The following TNFRSF11A variants were observed in gnomAD, a reference collection of about 807,000 sequenced individuals.
The protein encoded by TNFRSF11A is TNF receptor superfamily member 11a.
TNFRSF11A carries 32 observed loss-of-function variants against 55.7 expected under a neutral mutation model. The observed-to-expected ratio is 0.57, with a 90% CI of 0.43 to 0.77. TNFRSF11A has a LOEUF of 0.77. Ranked by LOEUF, TNFRSF11A falls within the 30% of genes least tolerant of loss-of-function variation. The pLI is 0.00. For missense variants in TNFRSF11A, 753 were observed against 809.8 expected (o/e 0.93, Z 0.85); for synonymous variants, 311 against 331.0 (o/e 0.94, Z 0.65).
intron 2 of TNFRSF11A, 36 bp downstream of exon 2, chr18:62,348,285 CAA>C (rs770346513): frequency 6.4e-7 from 1 of 1,570,150 alleles, no homozygotes; most frequent in Non-Finnish European, 8.8e-7. Flanking sequence ...CATTGCCCCT[CAA>C]AAGTGGGTGA....
intron 9 of TNFRSF11A, among the ~76,000 whole-genome samples, chr18:62,370,103 T>C (rs921073221): frequency 6.6e-6 from 1 of 152,224 alleles, no homozygotes; most frequent in African/African-American, 2.4e-5. Context: ...AGGCAGATAA[T>C]TTTAACAATT....
chr18:62,379,941 A>T (rs1911151363), intron 9 of TNFRSF11A, among the ~76,000 whole-genome samples: 1 of 152,228 alleles, frequency 6.6e-6, no homozygotes, highest in Non-Finnish European at 1.5e-5. Flanking sequence ...AACTTATAAG[A>T]TGTCACTTCC....
At chr18:62,359,201 C>G (rs1909490659) in intron 5 of TNFRSF11A, among the ~76,000 whole-genome samples, 1 of 152,134 alleles carries the variant, frequency 6.6e-6, no homozygotes, top group East Asian at 1.9e-4. Flanking sequence ...GCCTGGGCAA[C>G]ATAGCAAGAC....
rs1911627812 is a variant in TNFRSF11A, at chr18:62,385,130, C to CG, written c.*98dup. 7.6e-7 allele frequency: 1 copy of CG among 1,314,620 alleles called. No individual in the cohort carries two copies. The highest frequency in any genetic ancestry group is 1.6e-5 in the African/African-American group (1 of 63,664). 81.4% of individuals were successfully genotyped at this position (1,314,620 alleles called of 1,614,324 possible). ...CAGCCCCGGCCACCCAGGGATCGATCGGTACAGTCGAGGAAGACCACCCGG... is the reference window on the plus strand; with the variant it reads ...CAGCCCCGGCCACCCAGGGATCGATCGGGTACAGTCGAGGAAGACCACCCGG... On this transcript the variant is annotated 3_prime_UTR_variant, in exon 10 of 10. Transcript: ENST00000586569.
chr18:62,364,643 G>A (rs1909948096), intron 7 of TNFRSF11A, among the ~76,000 whole-genome samples: 1 of 152,144 alleles, frequency 6.6e-6, no homozygotes, highest in Admixed American at 6.5e-5. Flanking sequence ...TTGGTGGGGG[G>A]TAGGGAGGGC....
intron 1 of TNFRSF11A, among the ~76,000 whole-genome samples, chr18:62,330,619 G>C (rs572216740): frequency 6.4e-4 from 98 of 152,056 alleles, no homozygotes; most frequent in Middle Eastern, 3.4e-3. Context: ...GTGTCCAGGG[G>C]CGGGCCGGAG....
intron 1 of TNFRSF11A, among the ~76,000 whole-genome samples, chr18:62,332,991 A>AG (rs1288771661): frequency 6.6e-6 from 1 of 152,182 alleles, no homozygotes; most frequent in Non-Finnish European, 1.5e-5. Flanking sequence ...AGAATCGGGC[A>AG]GGGGGTGTTT....
chr18:62,366,851 CA>C lies in TNFRSF11A; in HGVS notation c.783+92del, dbSNP rs1600402638. The C allele has an allele frequency of 7.6e-6, 10 of 1,322,662 alleles. No homozygotes were observed. The East Asian group carries it at 2.1e-4, about 28-fold the overall frequency. The allele number at this position is 1,322,662 out of a possible 1,614,324, so 81.9% of individuals were successfully genotyped here. On this transcript the variant is annotated intron_variant, in intron 8 of 9. Transcript: ENST00000586569. ...TAGTCACATATTGAGCACCCCCCCC[CA>C]CCCCCACTTTTTTTGAGACGGAGTC...
rs1600346223 is a variant in TNFRSF11A, at chr18:62,331,612, C to A, written c.75+6185C>A. Among the ~76,000 whole-genome samples, 4 of 152,280 alleles carry A rather than the reference C, an allele frequency of 2.6e-5. No individual in the cohort carries two copies. The East Asian group carries it at 7.7e-4, about 29-fold the overall frequency. On this transcript the variant is annotated intron_variant, in intron 1 of 9. Transcript: ENST00000586569. ...GTAGAGACAGAGCTCTTAACACACA[C>A]TGAAGAGAGATAAACAGCCAGTGAT... is the stretch of plus-strand genomic sequence containing the variant.
In TNFRSF11A at chr18:62,346,426, T is replaced by C. The variant is rs187086345; in HGVS notation, c.76-1742T>C. On this transcript the variant is annotated intron_variant, in intron 1 of 9. Coordinates refer to ENST00000586569, the MANE Select transcript of TNFRSF11A (RefSeq NM_003839.4). ...AGAAAAGCATCTCAGAAGGGAGAGG[T>C]GTGGTGGCTTCTTTTAAGCAATTCT... Among the ~76,000 whole-genome samples, 5 of 151,650 alleles carry C rather than the reference T, an allele frequency of 3.3e-5. No individual in the cohort carries two copies. In the East Asian group the frequency reaches 5.8e-4, roughly 18 times the overall value.
rs532764293 is a variant in TNFRSF11A, at chr18:62,326,689, C to T, written c.75+1262C>T. On this transcript the variant is annotated intron_variant, in intron 1 of 9. Coordinates refer to ENST00000586569, the MANE Select transcript of TNFRSF11A (RefSeq NM_003839.4). ...AAAAGGCGTTCGGTTCTAATATGAA[C>T]AACAAATGCTATCAAAATAAGTTTA... Among the ~76,000 whole-genome samples, 96 of 152,318 alleles carry T rather than the reference C, an allele frequency of 6.3e-4. 1 individual carries two copies. Among genetic ancestry groups the T allele is most frequent in the South Asian group, 5.4e-3 (26 of 4,828 alleles).
chr18:62,335,604 A>G (rs62098350), intron 1 of TNFRSF11A, among the ~76,000 whole-genome samples: 23,265 of 152,264 alleles, frequency 0.15, 2,416 homozygotes, highest in Middle Eastern at 0.28. Flanking sequence ...TGACGGGCAC[A>G]AAGAGGCTGA....
At chr18:62,329,147 C>T (rs2046115211) in intron 1 of TNFRSF11A, among the ~76,000 whole-genome samples, 1 of 152,224 alleles carries the variant, frequency 6.6e-6, no homozygotes, top group African/African-American at 2.4e-5. Flanking sequence ...GTTTTTCCCA[C>T]ATGCTGTATC....
At position 62,385,257 on chromosome 18, in the gene TNFRSF11A, G is replaced by A. The variant is rs886054086; in HGVS notation, c.*223G>A. 2.2e-5 allele frequency: 10 copies of A among 458,778 alleles called. No homozygotes were observed. The Admixed American group carries it at 3.1e-4, about 14-fold the overall frequency. The allele number at this position is 458,778 out of a possible 1,614,324, so 28.4% of individuals were successfully genotyped here. A position where few individuals can be genotyped will look rare whatever the true frequency, so the allele number is the denominator to read the frequency against. On this transcript the variant is annotated 3_prime_UTR_variant, in exon 10 of 10. Coordinates refer to ENST00000586569, the MANE Select transcript of TNFRSF11A (RefSeq NM_003839.4). ...GGATGCTCAGCAGCCCGCCGCACTG[G>A]GGCAGATGTCTCCCCTGCCACTCCT...
intron 1 of TNFRSF11A, among the ~76,000 whole-genome samples, chr18:62,343,534 CA>C (rs1168920084): frequency 5.9e-5 from 9 of 152,248 alleles, no homozygotes; most frequent in Admixed American, 5.9e-4. Flanking sequence ...TTAGACTCAA[CA>C]TGGCTTTGCG....
chr18:62,380,557 C>T (rs1329669510), intron 9 of TNFRSF11A, among the ~76,000 whole-genome samples: 1 of 151,324 alleles, frequency 6.6e-6, no homozygotes, highest in Non-Finnish European at 1.5e-5. Context: ...CTGCCTCAGC[C>T]TCCCGAGTAG....
chr18:62,371,467 T>G (rs1031707282), intron 9 of TNFRSF11A, among the ~76,000 whole-genome samples: 1 of 152,196 alleles, frequency 6.6e-6, no homozygotes, highest in African/African-American at 2.4e-5. Flanking sequence ...TTTCATCATC[T>G]TTTATTTCTC....
chr18:62,371,002 G>C (rs543172428), intron 9 of TNFRSF11A, among the ~76,000 whole-genome samples: 37 of 152,070 alleles, frequency 2.4e-4, no homozygotes, highest in Admixed American at 2.4e-3. Flanking sequence ...GCTAATTTTT[G>C]TATTTTCAGT....
chr18:62,358,447 CCTCTT>C, intron 5 of TNFRSF11A, 106 bp downstream of exon 5: 4 of 1,066,300 alleles, frequency 3.8e-6, no homozygotes, highest in East Asian at 2.4e-5. Flanking sequence ...GGTTAGGCTT[CCTCTT>C]GAAGCCACGT....
Sources: gnomAD v4.1 joint callset for allele counts (sites outside exome capture counted in the v4.1 genomes callset) on GRCh38, gnomAD v4.1.1 for gene constraint, MANE v1.5 for transcripts, NCBI Gene and HGNC (gene_info 2026-07-23, HGNC 2026-07-21) for gene names.